The following RNF13 variants were observed in gnomAD, a reference collection of about 807,000 sequenced individuals.
The protein encoded by RNF13 is ring finger protein 13, also known as E3 ubiquitin-protein ligase RNF13.
A neutral mutation model predicts 37.7 loss-of-function variants in RNF13; 19 were observed. That is an observed-to-expected ratio of 0.50 (90% CI 0.35 to 0.74). RNF13 has a LOEUF of 0.74. Ranked by LOEUF, RNF13 falls within the 30% of genes least tolerant of loss-of-function variation. The pLI, the probability that RNF13 is intolerant of heterozygous loss-of-function variation, is 0.01. For synonymous variants in RNF13, 144 were observed against 157.8 expected (o/e 0.91, Z 0.65); for missense variants, 375 against 453.0 (o/e 0.83, Z 1.56).
At chr3:149,879,105 A>G (rs185376444) in intron 4 of RNF13, among the ~76,000 whole-genome samples, 72 of 152,204 alleles carry the variant, frequency 4.7e-4, no homozygotes, top group African/African-American at 1.7e-3. Flanking sequence ...GTATTATGCT[A>G]TTTTCTTTTT....
At chr3:149,950,072 A>G (rs1721168238) in intron 8 of RNF13, among the ~76,000 whole-genome samples, 1 of 152,150 alleles carries the variant, frequency 6.6e-6, no homozygotes, top group African/African-American at 2.4e-5. Context: ...TGTCCAGTAT[A>G]CTAATGAGCT....
At chr3:149,822,499 T>C (rs1403756267) in intron 1 of RNF13, 1 of 152,176 alleles carries the variant, frequency 6.6e-6, no homozygotes, top group East Asian at 1.9e-4. Flanking sequence ...TCATTTACTT[T>C]CTTTTTTCCA....
intron 6 of RNF13, among the ~76,000 whole-genome samples, chr3:149,906,839 G>A (rs1304537109): frequency 2.6e-5 from 4 of 151,662 alleles, no homozygotes; most frequent in Non-Finnish European, 5.9e-5. Context: ...TTTTAGTAGA[G>A]CTGGGGTTTT....
At chr3:149,858,876 C>G (rs116486940) in intron 3 of RNF13, among the ~76,000 whole-genome samples, 30 of 152,272 alleles carry the variant, frequency 2.0e-4, no homozygotes, top group African/African-American at 5.8e-4. Context: ...CAGTTAATTT[C>G]AAAATTCTTA....
chr3:149,847,292 A>G (rs1217687492), intron 2 of RNF13, among the ~76,000 whole-genome samples: 2 of 152,222 alleles, frequency 1.3e-5, no homozygotes, highest in Admixed American at 6.5e-5. Flanking sequence ...TAGAAAAAGA[A>G]CATACATGCC....
chr3:149,915,473 A>G (rs1159444056), intron 7 of RNF13, among the ~76,000 whole-genome samples: 1 of 152,192 alleles, frequency 6.6e-6, no homozygotes, highest in Non-Finnish European at 1.5e-5. Flanking sequence ...AAAATAAAAC[A>G]TGGATCTGGT....
At chr3:149,825,790 A>G (rs1720441129) in intron 1 of RNF13, among the ~76,000 whole-genome samples, 1 of 152,246 alleles carries the variant, frequency 6.6e-6, no homozygotes. Flanking sequence ...TTACTGACTT[A>G]TAATTCACAT....
chr3:149,877,071 C>T (rs1244875652), intron 4 of RNF13, among the ~76,000 whole-genome samples: 16 of 152,106 alleles, frequency 1.1e-4, no homozygotes, highest in Admixed American at 1.0e-3. Flanking sequence ...TGAGCCACCA[C>T]ACCCGGCCCG....
intron 8 of RNF13, among the ~76,000 whole-genome samples, chr3:149,951,119 G>A (rs947328870): frequency 6.6e-6 from 1 of 152,118 alleles, no homozygotes; most frequent in Admixed American, 6.6e-5. Flanking sequence ...GGGTCCCCTG[G>A]AAGTGTTTTA....
intron 3 of RNF13, among the ~76,000 whole-genome samples, chr3:149,853,581 A>G (rs1385965420): frequency 1.3e-5 from 2 of 151,836 alleles, no homozygotes; most frequent in Non-Finnish European, 2.9e-5. Flanking sequence ...TATTGGAAGT[A>G]TCAATTTATT....
intron 3 of RNF13, among the ~76,000 whole-genome samples, chr3:149,855,563 T>C (rs1331401751): frequency 6.6e-6 from 1 of 151,162 alleles, no homozygotes; most frequent in African/African-American, 2.4e-5. Context: ...TAAAAATACA[T>C]ATATACGTAT....
chr3:149,938,328 C>T (rs917681559), intron 8 of RNF13, among the ~76,000 whole-genome samples: 1 of 151,898 alleles, frequency 6.6e-6, no homozygotes, highest in African/African-American at 2.4e-5. Context: ...TAGGTGCAGA[C>T]CACCATGCCC....
In RNF13 at chr3:149,895,508, C is replaced by A; in HGVS notation, c.357C>A (p.Ala119=). ...CACAGAGAGCAGGATACAAGGCAGC[C>A]ATAGTTCACAATGTTGATTCTGATG... ...LNAQRAGYKA[A]IVHNVDSDDL... is the part of the protein sequence containing the mutation. The change falls in exon 5 of 10, where the codon GCC becomes GCA. Residue 119 remains alanine (A), a synonymous_variant. Coordinates refer to ENST00000392894, the MANE Select transcript of RNF13 (RefSeq NM_183381.3). The A allele has an allele frequency of 6.2e-7, 1 of 1,607,608 alleles. No individual in the cohort carries two copies. Among genetic ancestry groups the A allele is most frequent in the Non-Finnish European group, 8.5e-7 (1 of 1,177,040 alleles).
chr3:149,939,797 T>G, intron 8 of RNF13: 8 of 561,010 alleles, frequency 1.4e-5, no homozygotes, highest in East Asian at 4.6e-5. Flanking sequence ...AAATCTTCCA[T>G]GGGGTGGTGA....
At chr3:149,821,980 C>T (rs1410513599) in intron 1 of RNF13, among the ~76,000 whole-genome samples, 1 of 152,092 alleles carries the variant, frequency 6.6e-6, no homozygotes, top group Non-Finnish European at 1.5e-5. Flanking sequence ...TTTGGATGCT[C>T]AATTCTACTC....
At chr3:149,838,627 C>A (rs1444585093) in intron 1 of RNF13, among the ~76,000 whole-genome samples, 1 of 152,222 alleles carries the variant, frequency 6.6e-6, no homozygotes, top group Non-Finnish European at 1.5e-5. Context: ...GGCACCAAGT[C>A]CCAAGACTTC....
chr3:149,920,424 G>T (rs1476680854), intron 7 of RNF13, among the ~76,000 whole-genome samples: 1 of 151,826 alleles, frequency 6.6e-6, no homozygotes, highest in African/African-American at 2.4e-5. Flanking sequence ...TTAGAGATGG[G>T]GTCTCACTAT....
rs199504052 is a variant in RNF13, at chr3:149,916,732, CAAGTA to C, written c.607-4399_607-4395del. 2.1e-3 allele frequency among the ~76,000 whole-genome samples: 315 copies of C among 152,134 alleles called. 4 individuals carry two copies. Among genetic ancestry groups the C allele is most frequent in the Admixed American group, 0.017 (262 of 15,266 alleles). On this transcript the variant is annotated intron_variant, in intron 7 of 9. Coordinates refer to ENST00000392894, the MANE Select transcript of RNF13 (RefSeq NM_183381.3). Reference sequence around the variant, plus strand: ...AAATACCCTTGGAAAACCAGGAGTACAAGTAAATAACCTTATACAGATAAAAAATA... The same window carrying C: ...AAATACCCTTGGAAAACCAGGAGTACAATAACCTTATACAGATAAAAAATA...
At chr3:149,863,293 G>T (rs1362826558) in intron 3 of RNF13, among the ~76,000 whole-genome samples, 1 of 152,102 alleles carries the variant, frequency 6.6e-6, no homozygotes, top group Non-Finnish European at 1.5e-5. Context: ...AATGAGTGAG[G>T]GTCTTTTTTG....
Sources: gnomAD v4.1 joint callset for allele counts (sites outside exome capture counted in the v4.1 genomes callset) on GRCh38, gnomAD v4.1.1 for gene constraint, MANE v1.5 for transcripts, NCBI Gene and HGNC (gene_info 2026-07-23, HGNC 2026-07-21) for gene names.